Variants in PTPRN2 observed in about 807,000 individuals in gnomAD.
PTPRN2 encodes receptor-type tyrosine-protein phosphatase N2.
In PTPRN2, 74 loss-of-function variants were observed where a neutral mutation model predicts 118.8. That is an observed-to-expected ratio of 0.62 (90% CI 0.52 to 0.76). The LOEUF is 0.76. PTPRN2 is among the 30% of genes least tolerant of loss of function. The pLI is 0.00. For synonymous variants in PTPRN2, 641 were observed against 608.0 expected, an observed-to-expected ratio of 1.05 and a Z score of -0.80; for missense variants, 1,481 against 1,394.4, an observed-to-expected ratio of 1.06 and a Z score of -0.99.
Position 158,341,874 on chromosome 7 carries a change from G to A in PTPRN2, c.164-24942C>T, listed in dbSNP as rs372700460. On this transcript the variant is annotated intron_variant, in intron 2 of 22. Transcript: ENST00000389418. The stretch of plus-strand genomic sequence containing the variant: ...CACCATAAGAGTGTGCCCCGCAGGC[G>A]TCACTCACACCCACACTCACCATAT... 3.8e-4 allele frequency among the ~76,000 whole-genome samples: 37 copies of A among 97,096 alleles called. 7 individuals are homozygous for A. The East Asian group carries it at 7.2e-3, about 19-fold the overall frequency. The allele number at this position is 97,096 out of a possible 152,430, so 63.7% of individuals were successfully genotyped here. A position where few individuals can be genotyped will look rare whatever the true frequency, so the allele number is the denominator to read the frequency against.
Position 158,093,074 on chromosome 7 carries a change from C to T in PTPRN2, c.1644-11697G>A, listed in dbSNP as rs1814328083. Reference sequence around the variant, plus strand: ...CAACTTCGGCGTTCTTGGCTGAGAGCCTTCTGCGAGGCACGAGTATAAGTG... The same window carrying T: ...CAACTTCGGCGTTCTTGGCTGAGAGTCTTCTGCGAGGCACGAGTATAAGTG... On this transcript the variant is annotated intron_variant, in intron 10 of 22. Transcript: ENST00000389418. The surrounding 1 kb of genome is among the most constrained non-coding windows in gnomAD (Gnocchi z 4.4). 6.6e-6 allele frequency among the ~76,000 whole-genome samples: 1 copy of T among 152,234 alleles called. No homozygotes were observed. The highest frequency in any genetic ancestry group is 1.5e-5 in the Non-Finnish European group (1 of 68,044).
At chr7:158,208,528 T>A (rs1303998059) in intron 3 of PTPRN2, among the ~76,000 whole-genome samples, 1 of 152,232 alleles carries the variant, frequency 6.6e-6, no homozygotes, top group Admixed American at 6.5e-5. Context: ...AAAGAAACCC[T>A]TTTATTCTGA....
At chr7:157,917,736 T>C (rs1233218741) in intron 11 of PTPRN2, among the ~76,000 whole-genome samples, 2 of 152,130 alleles carry the variant, frequency 1.3e-5, no homozygotes, top group African/African-American at 2.4e-5. Flanking sequence ...CAACGCGTGG[T>C]CCTGGACAAA....
At chr7:158,323,175 G>A (rs867391807) in intron 2 of PTPRN2, among the ~76,000 whole-genome samples, 8 of 152,180 alleles carry the variant, frequency 5.3e-5, no homozygotes, top group South Asian at 4.1e-4. Flanking sequence ...CATGGAAGGC[G>A]TCCCCCGACA....
chr7:158,308,633 G>C (rs1192307973), intron 3 of PTPRN2, among the ~76,000 whole-genome samples: 6 of 151,940 alleles, frequency 3.9e-5, no homozygotes, highest in Admixed American at 6.6e-5. Flanking sequence ...TGAAAATTAA[G>C]TTGGTATTAA....
intron 5 of PTPRN2, among the ~76,000 whole-genome samples, chr7:158,174,208 C>T (rs1369590001): frequency 6.6e-6 from 1 of 152,168 alleles, no homozygotes; most frequent in Non-Finnish European, 1.5e-5. Context: ...GAAGTCTTCA[C>T]AATTTATGTT....
At chr7:158,137,181 G>A (rs1273854083) in intron 7 of PTPRN2, among the ~76,000 whole-genome samples, 1 of 152,180 alleles carries the variant, frequency 6.6e-6, no homozygotes, top group East Asian at 1.9e-4. Flanking sequence ...CACTTTGGGA[G>A]GCCAAGGTGG....
At position 157,763,275 on chromosome 7, in the gene PTPRN2, C is replaced by T. The variant is rs756772836; in HGVS notation, c.1789-80338G>A. ...CAGCCACATACACCATGACCTCTGG[C>T]GTGATGTGCCCTCCTCATTTTTCTC... On this transcript the variant is annotated intron_variant, in intron 12 of 22. Transcript: ENST00000389418. This position sits in a 1 kb window ranked among gnomAD's most constrained non-coding sequence, Gnocchi z 4.9. Among the ~76,000 whole-genome samples the T allele has an allele frequency of 1.2e-4, 19 of 152,226 alleles. No individual in the cohort carries two copies. Among genetic ancestry groups the T allele is most frequent in the Admixed American group, 3.9e-4 (6 of 15,290 alleles).
intron 6 of PTPRN2, among the ~76,000 whole-genome samples, chr7:158,155,012 T>C (rs1821573351): frequency 6.6e-6 from 1 of 152,210 alleles, no homozygotes; most frequent in Non-Finnish European, 1.5e-5. Flanking sequence ...ATAACAAGAA[T>C]ATCAAAGTAA....
chr7:157,800,418 G>A (rs572579476), intron 12 of PTPRN2, among the ~76,000 whole-genome samples: 3 of 152,130 alleles, frequency 2.0e-5, no homozygotes, highest in Non-Finnish European at 2.9e-5. Context: ...TCCCCGCTGC[G>A]CTCCCAGCTC....
In PTPRN2 at chr7:157,568,790, C is replaced by A. The variant is rs377149174; in HGVS notation, c.2902+112G>T. On this transcript the variant is annotated intron_variant, in intron 21 of 22. Coordinates refer to ENST00000389418, the MANE Select transcript of PTPRN2 (RefSeq NM_002847.5). The stretch of plus-strand genomic sequence containing the variant: ...ACCTTCCTACGGCCCAGCAGAGGCA[C>A]AACAAGCAGCGAATTTTTTCCAGGG... The A allele has an allele frequency of 2.6e-5, 29 of 1,124,628 alleles. No homozygotes were observed. In the East Asian group the frequency reaches 4.5e-4, roughly 18 times the overall value. 69.7% of individuals were successfully genotyped at this position (1,124,628 alleles called of 1,614,324 possible).
At chr7:158,087,624 G>A (rs550375359) in intron 10 of PTPRN2, among the ~76,000 whole-genome samples, 35 of 151,992 alleles carry the variant, frequency 2.3e-4, no homozygotes, top group South Asian at 1.9e-3. Context: ...TTCCTCCCCT[G>A]ATGAAGGAGG....
chr7:157,682,956 G>C lies in PTPRN2; in HGVS notation c.1789-19C>G. On this transcript the variant is annotated intron_variant, in intron 12 of 22. Coordinates refer to ENST00000389418, the MANE Select transcript of PTPRN2 (RefSeq NM_002847.5). ...TGCTTTTCTGCAGAACAAGGAGAGA[G>C]GGGTGTGTTAGCTCCTGACAAAGCA... is the stretch of plus-strand genomic sequence containing the variant. The C allele has an allele frequency of 6.3e-7, 1 of 1,577,802 alleles. No homozygotes were observed. The highest frequency in any genetic ancestry group is 8.7e-7 in the Non-Finnish European group (1 of 1,148,900).
chr7:157,743,377 C>T (rs865934306), intron 12 of PTPRN2, among the ~76,000 whole-genome samples: 6 of 152,146 alleles, frequency 3.9e-5, no homozygotes, highest in African/African-American at 1.4e-4. Context: ...CACGGTGGGA[C>T]CAGCCTGCAA....
chr7:157,585,146 A>G lies in PTPRN2; in HGVS notation c.2497-7006T>C, dbSNP rs1800606511. On this transcript the variant is annotated intron_variant, in intron 17 of 22. Coordinates refer to ENST00000389418, the MANE Select transcript of PTPRN2 (RefSeq NM_002847.5). This position sits in a 1 kb window ranked among gnomAD's most constrained non-coding sequence, Gnocchi z 5.2. ...GTCAGCAGTGCTGATGGAAAGGCTG[A>G]TGAGGGGGCAGCGGGAGGAACCCCC... is the stretch of plus-strand genomic sequence containing the variant. Among the ~76,000 whole-genome samples, 1 of 152,060 alleles carries G rather than the reference A, an allele frequency of 6.6e-6. No homozygotes were observed. The highest frequency in any genetic ancestry group is 1.5e-5 in the Non-Finnish European group (1 of 68,022).
At chr7:157,547,681 A>G (rs1798391062) in intron 22 of PTPRN2, among the ~76,000 whole-genome samples, 1 of 152,100 alleles carries the variant, frequency 6.6e-6, no homozygotes, top group Non-Finnish European at 1.5e-5. Flanking sequence ...ACAGGGAAAA[A>G]TCATCACGCA....
chr7:157,838,160 A>G (rs1477064759), intron 12 of PTPRN2, among the ~76,000 whole-genome samples: 19 of 120,564 alleles, frequency 1.6e-4, no homozygotes, highest in East Asian at 5.8e-4. Flanking sequence ...CCTCTCCACT[A>G]TGCCTACTCC....
chr7:158,123,309 A>T (rs1167200975), intron 9 of PTPRN2, among the ~76,000 whole-genome samples: 1 of 152,254 alleles, frequency 6.6e-6, no homozygotes, highest in Non-Finnish European at 1.5e-5. Context: ...GGTGGCAAAC[A>T]GTGGGCTGGG....
chr7:158,027,149 C>A (rs561482181), intron 11 of PTPRN2, among the ~76,000 whole-genome samples: 1 of 152,160 alleles, frequency 6.6e-6, no homozygotes, highest in Admixed American at 6.5e-5. Context: ...TGGAAAGTGC[C>A]CAGCCACAGC....
Sources: gnomAD v4.1 joint callset for allele counts (sites outside exome capture counted in the v4.1 genomes callset) on GRCh38, gnomAD v4.1.1 for gene constraint, Gnocchi (gnomAD v3.1) non-coding constraint, MANE v1.5 for transcripts, NCBI Gene and HGNC (gene_info 2026-07-23, HGNC 2026-07-21) for gene names.